The following WTIP variants were observed in gnomAD, a reference collection of about 807,000 sequenced individuals.
WTIP encodes the protein WT1 interacting protein.
Under a neutral mutation model 41.7 loss-of-function variants are expected in WTIP, and 23 were observed. The ratio of observed to expected loss-of-function variants is 0.55; its 90% CI spans 0.40 to 0.78. The LOEUF (loss-of-function observed/expected upper bound fraction) is 0.78, where lower values mean the gene tolerates loss of function less well. Ranked by LOEUF, WTIP falls within the 30% of genes least tolerant of loss-of-function variation. The probability of loss-of-function intolerance (pLI) is 0.00; values close to 1 mark genes in which losing one functional copy is unlikely to be tolerated. For missense variants in WTIP, 619 were observed against 610.5 expected, an observed-to-expected ratio of 1.01 and a Z score of -0.15; for synonymous variants, 314 against 269.9, an observed-to-expected ratio of 1.16 and a Z score of -1.60.
rs1248602487 is a variant in WTIP at position 34,501,458 on chromosome 19, T to C, written c.*1189T>C. 1 of 152,270 alleles carries C rather than the reference T, an allele frequency of 6.6e-6. No homozygotes were observed. The highest frequency in any genetic ancestry group is 1.9e-4 in the East Asian group (1 of 5,184). The allele number at this position is 152,270 out of a possible 1,614,324, so 9.4% of individuals were successfully genotyped here. A position where few individuals can be genotyped will look rare whatever the true frequency, so the allele number is the denominator to read the frequency against. On this transcript the variant is annotated 3_prime_UTR_variant, in exon 8 of 8. Transcript: ENST00000590071. ...CTGACGGGAATGTGGGGTCTGGACA[T>C]GGGAGGCCCTGGTCCTGATGCGGAA...
At chr19:34,486,042 A>G (rs2075795450) in intron 1 of WTIP, among the ~76,000 whole-genome samples, 1 of 152,122 alleles carries the variant, frequency 6.6e-6, no homozygotes, top group Admixed American at 6.6e-5. Context: ...TAGCCAGCCA[A>G]CAGCCTTGGG....
chr19:34,495,837 G>C, intron 7 of WTIP, 66 bp downstream of exon 7: 1 of 1,545,496 alleles, frequency 6.5e-7, no homozygotes. Flanking sequence ...TCTCCTCTCT[G>C]GGTGTTCTGT....
chr19:34,499,238 C>A (rs542353106), intron 7 of WTIP, among the ~76,000 whole-genome samples: 1 of 150,194 alleles, frequency 6.7e-6, no homozygotes, highest in East Asian at 2.0e-4. Context: ...AGGCCAGGCA[C>A]GGTGGCTCAT....
intron 1 of WTIP, 103 bp from the exon 2 acceptor site, chr19:34,490,273 A>C: frequency 9.5e-7 from 1 of 1,057,972 alleles, no homozygotes; most frequent in South Asian, 1.4e-5. Context: ...GAAAGTTAGC[A>C]TCCCCCAGGT....
rs1426016119 is a variant in WTIP, at chr19:34,510,798, T to G, written c.*10529T>G. On this transcript the variant is annotated 3_prime_UTR_variant, in exon 8 of 8. Transcript: ENST00000590071. ...TCTCTCAAGTTCAAAGTTCCACAAA[T>G]CTCTAGGGCAGGGGCAAAATGCCGC... 1.3e-5 allele frequency: 2 copies of G among 152,190 alleles called. No homozygotes were observed. The highest frequency in any genetic ancestry group is 2.9e-5 in the Non-Finnish European group (2 of 68,044). 9.4% of individuals were successfully genotyped at this position (152,190 alleles called of 1,614,324 possible).
chr19:34,494,063 A>C (rs963759254), intron 5 of WTIP, among the ~76,000 whole-genome samples: 2 of 152,112 alleles, frequency 1.3e-5, no homozygotes, highest in African/African-American at 2.4e-5. Context: ...GGTTCTGAGC[A>C]GGGCCTTCCG....
rs1305621463 is a variant in WTIP, at chr19:34,493,997, C to A, written c.1031+375C>A. Among the ~76,000 whole-genome samples, 1 of 152,182 alleles carries A rather than the reference C, an allele frequency of 6.6e-6. No individual in the cohort carries two copies. Among genetic ancestry groups the A allele is most frequent in the Non-Finnish European group, 1.5e-5 (1 of 68,028 alleles). The stretch of plus-strand genomic sequence containing the variant: ...TCTGCAGCCCCCTTCTCCTGCCTGT[C>A]TGATCCCTGATCTGTTTCCTCCTAC... On this transcript the variant is annotated intron_variant, in intron 5 of 7. Transcript: ENST00000590071. The surrounding 1 kb of genome is among the most constrained non-coding windows in gnomAD (Gnocchi z 4.1).
Position 34,499,034 on chromosome 19 carries a change from C to T in WTIP, c.1153-1095C>T, listed in dbSNP as rs2863316. Among the ~76,000 whole-genome samples, 1,792 of 151,436 alleles carry T rather than the reference C, an allele frequency of 0.012. 88 individuals carry two copies. The East Asian group carries it at 0.18, about 15-fold the overall frequency. Reference sequence around the variant, plus strand: ...GATCAGCCTGATCAGCATAGCAAGACGCCATGTCTACAAAATACAAGGGGA... The same window carrying T: ...GATCAGCCTGATCAGCATAGCAAGATGCCATGTCTACAAAATACAAGGGGA... On this transcript the variant is annotated intron_variant, in intron 7 of 7. Transcript: ENST00000590071.
intron 7 of WTIP, among the ~76,000 whole-genome samples, chr19:34,497,425 T>A (rs1167970649): frequency 6.6e-6 from 1 of 152,142 alleles, no homozygotes; most frequent in Admixed American, 6.5e-5. Context: ...CCAATTTCTC[T>A]TCCTCCGTTC....
rs1325018821 is a variant in WTIP at position 34,511,343 on chromosome 19, C to G, written c.*11074C>G. ...TACCATGAGAACAATATGGGGGAAACTGCCCCCATGATTCAAAATATTTCC... is the reference window on the plus strand; with the variant it reads ...TACCATGAGAACAATATGGGGGAAAGTGCCCCCATGATTCAAAATATTTCC... On this transcript the variant is annotated 3_prime_UTR_variant, in exon 8 of 8. Coordinates refer to ENST00000590071, the MANE Select transcript of WTIP (RefSeq NM_001080436.2). 2 of 152,170 alleles carry G rather than the reference C, an allele frequency of 1.3e-5. No homozygotes were observed. The highest frequency in any genetic ancestry group is 4.8e-5 in the African/African-American group (2 of 41,420). 9.4% of individuals were successfully genotyped at this position (152,170 alleles called of 1,614,324 possible). A position where few individuals can be genotyped will look rare whatever the true frequency, so the allele number is the denominator to read the frequency against.
intron 1 of WTIP, among the ~76,000 whole-genome samples, chr19:34,488,326 G>A (rs1046451816): frequency 1.3e-5 from 2 of 151,898 alleles, no homozygotes; most frequent in Non-Finnish European, 2.9e-5. Context: ...CACCCACCTC[G>A]GCCTCCCAAA....
intron 2 of WTIP, among the ~76,000 whole-genome samples, chr19:34,490,710 C>T (rs1599955732): frequency 1.3e-5 from 2 of 152,338 alleles, no homozygotes; most frequent in Admixed American, 6.5e-5. Flanking sequence ...CTGTGCCACG[C>T]AGGGCACTAA....
chr19:34,499,373 C>T (rs1044612903), intron 7 of WTIP, among the ~76,000 whole-genome samples: 3 of 148,694 alleles, frequency 2.0e-5, no homozygotes, highest in Non-Finnish European at 1.5e-5. Context: ...CAGGGCGTGG[C>T]AGGGTGCGCC....
chr19:34,495,620 G>T, intron 6 of WTIP, 83 bp from the exon 7 acceptor site: 1 of 1,505,250 alleles, frequency 6.6e-7, no homozygotes, highest in Admixed American at 1.7e-5. Context: ...GGACAGGAGC[G>T]TGGTGTGTGG....
At chr19:34,489,452 G>A (rs117811171) in intron 1 of WTIP, among the ~76,000 whole-genome samples, 1 of 152,232 alleles carries the variant, frequency 6.6e-6, no homozygotes, top group East Asian at 1.9e-4. Context: ...AGGACAGAGT[G>A]GGTACAGAGG....
rs1370181820 is a variant in WTIP at position 34,482,531 on chromosome 19, C to T, written c.557C>T (p.Pro186Leu). Residue 186 changes from proline (P) to leucine (L), a missense_variant, in exon 1 of 8, where the codon CCG (proline) becomes CTG (leucine). Pro to Leu is a moderately conservative substitution (Grantham distance 98). Coordinates refer to ENST00000590071, the MANE Select transcript of WTIP (RefSeq NM_001080436.2). Reference protein sequence around the residue: ...GPAPFPLPALPLPPGREGGPS... With the variant: ...GPAPFPLPALLLPPGREGGPS... ...GCTCCCTTCCCGCTGCCTGCACTCCCGCTGCCCCCTGGCCGGGAGGGCGGC... is the reference window on the plus strand; with the variant it reads ...GCTCCCTTCCCGCTGCCTGCACTCCTGCTGCCCCCTGGCCGGGAGGGCGGC... 1 of 1,228,580 alleles carries T rather than the reference C, an allele frequency of 8.1e-7. No individual in the cohort carries two copies. Among genetic ancestry groups the T allele is most frequent in the Non-Finnish European group, 1.0e-6 (1 of 986,972 alleles). 76.1% of individuals were successfully genotyped at this position (1,228,580 alleles called of 1,614,324 possible).
rs570718720 is a variant in WTIP, at chr19:34,507,041, G to C, written c.*6772G>C. 1.3e-5 allele frequency: 2 copies of C among 151,806 alleles called. No individual in the cohort carries two copies. The highest frequency in any genetic ancestry group is 2.9e-5 in the Non-Finnish European group (2 of 67,982). 9.4% of individuals were successfully genotyped at this position (151,806 alleles called of 1,614,324 possible). A position where few individuals can be genotyped will look rare whatever the true frequency, so the allele number is the denominator to read the frequency against. On this transcript the variant is annotated 3_prime_UTR_variant, in exon 8 of 8. Coordinates refer to ENST00000590071, the MANE Select transcript of WTIP (RefSeq NM_001080436.2). The stretch of plus-strand genomic sequence containing the variant: ...GTTTGAGACCAACCTGACCAATATG[G>C]AGAAACCCTGTCTCTACTAAAAATA...
chr19:34,490,334 T>C, intron 1 of WTIP, 42 bp from the exon 2 acceptor site: 1 of 1,592,496 alleles, frequency 6.3e-7, no homozygotes, highest in East Asian at 2.2e-5. Flanking sequence ...TGGCATAGGC[T>C]GTGGCGCTAA....
chr19:34,489,971 G>C (rs1017728450), intron 1 of WTIP, among the ~76,000 whole-genome samples: 1 of 152,138 alleles, frequency 6.6e-6, no homozygotes, highest in African/African-American at 2.4e-5. Context: ...GGGTGCAGTG[G>C]CTCATGCCTG....
Sources: allele counts gnomAD v4.1 joint callset (sites outside exome capture counted in the v4.1 genomes callset), GRCh38; gene constraint gnomAD v4.1.1; non-coding constraint Gnocchi (gnomAD v3.1); transcripts MANE v1.5; gene names NCBI Gene and HGNC (gene_info 2026-07-23, HGNC 2026-07-21).